TNS3: variants seen among roughly 807,000 people sequenced by gnomAD.
TNS3 encodes the protein tensin-3.
TNS3 carries 45 observed loss-of-function variants against 140.9 expected under a neutral mutation model. The ratio of observed to expected loss-of-function variants is 0.32; its 90% CI spans 0.25 to 0.41. The LOEUF (loss-of-function observed/expected upper bound fraction) is 0.41, where lower values mean the gene tolerates loss of function less well. TNS3 is among the 10% of genes least tolerant of loss of function. The pLI, the probability that TNS3 is intolerant of heterozygous loss-of-function variation, is 1.00. For synonymous variants in TNS3, 815 were observed against 788.4 expected (o/e 1.03, Z -0.56); for missense variants, 1,716 against 1,906.7 (o/e 0.90, Z 1.86).
chr7:47,335,602 C>A (rs7809597), intron 20 of TNS3, among the ~76,000 whole-genome samples: 4 of 151,944 alleles, frequency 2.6e-5, no homozygotes, highest in Non-Finnish European at 5.9e-5. Flanking sequence ...GGGCCTTCTC[C>A]GTCCCCCGAC....
chr7:47,552,787 T>C (rs1160641470), intron 1 of TNS3, among the ~76,000 whole-genome samples: 1 of 152,190 alleles, frequency 6.6e-6, no homozygotes, highest in Admixed American at 6.5e-5. Context: ...AAGAGTCACA[T>C]CTCTTAAAAG....
rs1291188728 is a variant in TNS3 at position 47,400,397 on chromosome 7, A to T, written c.915T>A (p.Ile305=). 1 of 1,614,170 alleles carries T rather than the reference A, an allele frequency of 6.2e-7. No homozygotes were observed. Among genetic ancestry groups the T allele is most frequent in the South Asian group, 1.1e-5 (1 of 91,068 alleles). Residue 305 remains isoleucine (I), a synonymous_variant, in exon 15 of 31, where the codon ATT becomes ATA. Transcript: ENST00000311160. ...GTATTCCACCAAGCTACCCACCTTG[A>T]ATCTTCTCAGGCGTGGCAGAGAAGA... The part of the protein sequence containing the change: ...ELVFSATPEK[I]QGSEHLYNDH...
intron 17 of TNS3, among the ~76,000 whole-genome samples, chr7:47,357,113 T>C (rs56048701): frequency 0.11 from 16,659 of 152,122 alleles, 969 homozygotes; most frequent in South Asian, 0.15. Context: ...TTAATTAACT[T>C]AAAAAATAAG....
At chr7:47,326,200 G>A (rs935122753) in intron 20 of TNS3, among the ~76,000 whole-genome samples, 1 of 152,146 alleles carries the variant, frequency 6.6e-6, no homozygotes, top group African/African-American at 2.4e-5. Context: ...CTATACACCA[G>A]GCACTCTGCT....
chr7:47,333,598 C>T lies in TNS3; in HGVS notation c.2650+11157G>A, dbSNP rs78327133. ...CTATTATAAACATTCTCATTCAGAG[C>T]TCATAAAAATTCAACAGAAAAGGGA... On this transcript the variant is annotated intron_variant, in intron 20 of 30. Transcript: ENST00000311160. Among the ~76,000 whole-genome samples the T allele has an allele frequency of 2.9e-3, 435 of 152,260 alleles. 2 individuals carry two copies. Among genetic ancestry groups the T allele is most frequent in the East Asian group, 0.017 (90 of 5,184 alleles).
intron 23 of TNS3, among the ~76,000 whole-genome samples, chr7:47,298,068 G>A (rs902043134): frequency 1.3e-5 from 2 of 152,192 alleles, no homozygotes; most frequent in African/African-American, 4.8e-5. Flanking sequence ...TTACAGGCGT[G>A]AGCCACTGCG....
At chr7:47,540,572 T>C (rs2151964295) in intron 1 of TNS3, among the ~76,000 whole-genome samples, 1 of 152,080 alleles carries the variant, frequency 6.6e-6, no homozygotes, top group South Asian at 2.1e-4. Context: ...GTGTGCTCGA[T>C]GTCAGAGGAA....
chr7:47,384,292 G>C (rs1332927208), intron 16 of TNS3, among the ~76,000 whole-genome samples: 4 of 152,096 alleles, frequency 2.6e-5, no homozygotes, highest in Admixed American at 6.5e-5. Context: ...GGCCGGGAAG[G>C]GGCAGCCTGT....
rs9639986 is a variant in TNS3, at chr7:47,577,461, C to T, written c.-265+4590G>A. On this transcript the variant is annotated intron_variant, in intron 1 of 30. Coordinates refer to ENST00000311160, the MANE Select transcript of TNS3 (RefSeq NM_022748.12). ...CACTGGCTGAGGTAGACAGCAGGCA[C>T]GCCGCAGCTCCTGAGCCTTGGCCTG... Among the ~76,000 whole-genome samples, 7 of 151,998 alleles carry T rather than the reference C, an allele frequency of 4.6e-5. No homozygotes were observed. The East Asian group carries it at 1.4e-3, about 29-fold the overall frequency.
At chr7:47,396,967 T>A in intron 15 of TNS3, 63 bp from the exon 16 acceptor site, 2 of 1,203,480 alleles carry the variant, frequency 1.7e-6, no homozygotes, top group Non-Finnish European at 2.5e-6. Context: ...TCCAACCGAC[T>A]CCACCATAAG....
intron 4 of TNS3, among the ~76,000 whole-genome samples, chr7:47,477,056 G>A (rs531765319): frequency 8.7e-4 from 132 of 152,248 alleles, no homozygotes; most frequent in South Asian, 5.6e-3. Flanking sequence ...ATGCCCCGGG[G>A]AGCCACAAAG....
rs756518231 is a variant in TNS3, at chr7:47,303,152, C to A, written c.3255G>T (p.Leu1085=). ...CGGGCAGGGTCACACCCTGGCCCTG[C>A]AGGCCTGGACTGTGGTGGCTGCTGT... ...PGHSSHHSPG[L]QGQGVTLPGQ... The change falls in exon 22 of 31, where the codon CTG becomes CTT. Residue 1085 remains leucine, a synonymous_variant. Transcript: ENST00000311160. 1.4e-5 allele frequency: 23 copies of A among 1,613,800 alleles called. No homozygotes were observed. Among genetic ancestry groups the A allele is most frequent in the Non-Finnish European group, 1.9e-5 (23 of 1,179,964 alleles).
chr7:47,388,321 G>A (rs1379606845), intron 16 of TNS3, among the ~76,000 whole-genome samples: 1 of 152,154 alleles, frequency 6.6e-6, no homozygotes, highest in Non-Finnish European at 1.5e-5. Context: ...CTGTGGGGAT[G>A]GAGCCCTCTT....
rs1786661528 is a variant in TNS3, at chr7:47,304,974, G to C, written c.2680C>G (p.His894Asp). ...GGGCTCTCTGACATCCCCACAGCGTGAGTGAGCGTCTCAGGGCAGCTTCGT... is the reference window on the plus strand; with the variant it reads ...GGGCTCTCTGACATCCCCACAGCGTCAGTGAGCGTCTCAGGGCAGCTTCGT... ...EPRSCPETLTHAVGMSESPIG... is the reference protein window; with the variant it reads ...EPRSCPETLTDAVGMSESPIG... Residue 894 changes from histidine (H) to aspartate (D), a missense_variant, in exon 21 of 31, where the codon CAC becomes GAC. Transcript: ENST00000311160. 7.2e-7 allele frequency: 1 copy of C among 1,397,646 alleles called. No homozygotes were observed. The highest frequency in any genetic ancestry group is 9.4e-7 in the Non-Finnish European group (1 of 1,062,562). 86.6% of individuals were successfully genotyped at this position (1,397,646 alleles called of 1,614,324 possible). A position where few individuals can be genotyped will look rare whatever the true frequency, so the allele number is the denominator to read the frequency against.
intron 17 of TNS3, 89 bp from the exon 18 acceptor site, chr7:47,346,445 A>G (rs1789349981): frequency 1.3e-6 from 2 of 1,493,974 alleles, no homozygotes; most frequent in Non-Finnish European, 1.8e-6. Context: ...CTGCTTCTCA[A>G]AGGTGCTGTA....
At chr7:47,503,036 G>C (rs986996913) in intron 3 of TNS3, among the ~76,000 whole-genome samples, 1 of 152,148 alleles carries the variant, frequency 6.6e-6, no homozygotes, top group African/African-American at 2.4e-5. Context: ...GGGGAGCTGC[G>C]CATCGGGACC....
At chr7:47,325,894 G>A (rs952742680) in intron 20 of TNS3, among the ~76,000 whole-genome samples, 3 of 152,188 alleles carry the variant, frequency 2.0e-5, no homozygotes, top group African/African-American at 7.2e-5. Context: ...AAGGGTAGAG[G>A]AGAGAAGGTC....
intron 1 of TNS3, among the ~76,000 whole-genome samples, chr7:47,534,870 G>A (rs538007948): frequency 2.0e-5 from 3 of 152,200 alleles, no homozygotes; most frequent in South Asian, 2.1e-4. Flanking sequence ...TCTACAAACC[G>A]TGATGGTGAG....
chr7:47,485,072 C>T (rs903478832), intron 3 of TNS3, among the ~76,000 whole-genome samples: 1 of 152,206 alleles, frequency 6.6e-6, no homozygotes, highest in African/African-American at 2.4e-5. Flanking sequence ...TGCGCCTGGC[C>T]CCATCAGTGC....
Sources: allele counts gnomAD v4.1 joint callset (sites outside exome capture counted in the v4.1 genomes callset), GRCh38; gene constraint gnomAD v4.1.1; transcripts MANE v1.5; gene names NCBI Gene and HGNC (gene_info 2026-07-23, HGNC 2026-07-21).